Variants in SLC14A2 observed in about 807,000 individuals in gnomAD.
SLC14A2 encodes solute carrier family 14 member 2.
In SLC14A2, 91 loss-of-function variants were observed where a neutral mutation model predicts 104.6. The ratio of observed to expected loss-of-function variants is 0.87; its 90% confidence interval spans 0.73 to 1.04. The LOEUF (loss-of-function observed/expected upper bound fraction) is 1.04. SLC14A2 is among the 50% of genes least tolerant of loss of function. SLC14A2 has a pLI of 0.00. For missense variants in SLC14A2, 1,189 were observed against 1,156.0 expected (o/e 1.03, Z -0.41); for synonymous variants, 476 against 466.4 (o/e 1.02, Z -0.27).
At chr18:45,265,462 G>A (rs1343618428) in intron 1 of SLC14A2, among the ~76,000 whole-genome samples, 1 of 152,112 alleles carries the variant, frequency 6.6e-6, no homozygotes, top group Non-Finnish European at 1.5e-5. Flanking sequence ...TTTGAAATAT[G>A]ATTTTATCTG....
At chr18:45,569,753 T>TG (rs1392776537) in intron 2 of SLC14A2, among the ~76,000 whole-genome samples, 3 of 152,170 alleles carry the variant, frequency 2.0e-5, no homozygotes, top group African/African-American at 7.2e-5. Flanking sequence ...TCCACACCGA[T>TG]AACCACTCCA....
At chr18:45,183,168 T>A in the SLC14A2 span, among the ~76,000 whole-genome samples, 11 of 152,136 alleles carry the variant, frequency 7.2e-5, no homozygotes, top group Non-Finnish European at 1.5e-4. Flanking sequence ...TGAACCAGAT[T>A]GAGAGGTCGT....
chr18:45,677,714 G>T (rs921722780), intron 18 of SLC14A2, among the ~76,000 whole-genome samples: 2 of 152,148 alleles, frequency 1.3e-5, no homozygotes, highest in Non-Finnish European at 2.9e-5. Flanking sequence ...GCTCCTATTC[G>T]CTCTCAGAGA....
At chr18:45,397,073 G>T (rs941244821) in intron 1 of SLC14A2, among the ~76,000 whole-genome samples, 1 of 152,242 alleles carries the variant, frequency 6.6e-6, no homozygotes, top group Non-Finnish European at 1.5e-5. Context: ...TCATTGACGG[G>T]CATTTAGGTT....
At chr18:45,568,023 C>T (rs1489797298) in intron 2 of SLC14A2, among the ~76,000 whole-genome samples, 1 of 152,186 alleles carries the variant, frequency 6.6e-6, no homozygotes, top group Non-Finnish European at 1.5e-5. Context: ...ATCAAACCAA[C>T]ATGGGTGTTC....
intron 2 of SLC14A2, among the ~76,000 whole-genome samples, chr18:45,544,680 A>C (rs1225355422): frequency 1.3e-4 from 20 of 151,816 alleles, no homozygotes; most frequent in Admixed American, 1.3e-3. Context: ...GTATCCATAA[A>C]TAGCTTTTAT....
In SLC14A2 at chr18:45,615,757, G is replaced by T. The variant is rs541079412; in HGVS notation, c.-35+175G>T. ...ATAACACTAAAATTAACTACCTAGA[G>T]CCACCTCGGGGCAGCTTGTGTATAT... is the stretch of plus-strand genomic sequence containing the variant. On this transcript the variant is annotated intron_variant, in intron 1 of 19. Transcript: ENST00000255226. 7.5e-4 allele frequency among the ~76,000 whole-genome samples: 114 copies of T among 152,120 alleles called. 1 individual carries two copies. Among genetic ancestry groups the T allele is most frequent in the Admixed American group, 4.8e-3 (73 of 15,290 alleles).
At chr18:45,428,443 G>A (rs1035535595) in intron 1 of SLC14A2, among the ~76,000 whole-genome samples, 2 of 152,278 alleles carry the variant, frequency 1.3e-5, no homozygotes, top group Admixed American at 6.5e-5. Context: ...AAAAAACACT[G>A]TGCACAATAT....
chr18:45,508,128 C>T (rs930661072), intron 2 of SLC14A2, among the ~76,000 whole-genome samples: 19 of 151,760 alleles, frequency 1.3e-4, no homozygotes, highest in African/African-American at 2.7e-4. Context: ...AATTGTTCTG[C>T]GTAGATCTCA....
chr18:45,416,481 A>G (rs753232010), intron 1 of SLC14A2, among the ~76,000 whole-genome samples: 1 of 152,194 alleles, frequency 6.6e-6, no homozygotes, highest in Non-Finnish European at 1.5e-5. Context: ...CACCAGTCAG[A>G]GTTAATCATC....
chr18:45,284,042 A>T lies in SLC14A2; in HGVS notation c.-125+70851A>T, dbSNP rs545622467. Among the ~76,000 whole-genome samples the T allele has an allele frequency of 2.0e-5, 3 of 152,354 alleles. No individual in the cohort carries two copies. In the East Asian group the frequency reaches 5.8e-4, roughly 29 times the overall value. On this transcript the variant is annotated intron_variant, in intron 1 of 20. Coordinates refer to the SLC14A2 transcript ENST00000586448. ...TATTTTGGATATACTGGATGAAATA[A>T]AATGTATTATTAAAATTTATTGCAT... is the stretch of plus-strand genomic sequence containing the variant.
chr18:45,331,093 T>C (rs1171364498), intron 1 of SLC14A2, among the ~76,000 whole-genome samples: 1 of 152,222 alleles, frequency 6.6e-6, no homozygotes, highest in Non-Finnish European at 1.5e-5. Flanking sequence ...GATAAAATAA[T>C]TGGAGACATA....
At chr18:45,664,059 T>G in intron 11 of SLC14A2, 152 bp downstream of exon 11, 4 of 743,964 alleles carry the variant, frequency 5.4e-6, no homozygotes, top group Non-Finnish European at 4.1e-6. Context: ...AAGGCCACAG[T>G]TCCCCGAATG....
chr18:45,607,719 T>C (rs2144435499), intron 2 of SLC14A2, among the ~76,000 whole-genome samples: 1 of 152,314 alleles, frequency 6.6e-6, no homozygotes, highest in East Asian at 1.9e-4. Context: ...GGAGCGTAAC[T>C]GGGTTTTTCT....
chr18:45,419,302 C>G (rs1022010741), intron 1 of SLC14A2, among the ~76,000 whole-genome samples: 3 of 152,114 alleles, frequency 2.0e-5, no homozygotes, highest in African/African-American at 4.8e-5. Context: ...CTCACAGGCC[C>G]CTTTTATTCT....
the SLC14A2 span, among the ~76,000 whole-genome samples, chr18:45,182,411 AAAT>A: frequency 1.3e-5 from 2 of 151,934 alleles, no homozygotes; most frequent in African/African-American, 2.4e-5. Context: ...TAAAAGGAAA[AAAT>A]AACTGAAAAA....
At chr18:45,392,204 G>A (rs544752881) in intron 1 of SLC14A2, among the ~76,000 whole-genome samples, 17 of 152,310 alleles carry the variant, frequency 1.1e-4, no homozygotes, top group African/African-American at 4.1e-4. Flanking sequence ...CAAGGCCACT[G>A]TGGCCCCCCA....
chr18:45,284,001 C>T (rs1179921460), intron 1 of SLC14A2, among the ~76,000 whole-genome samples: 1 of 152,100 alleles, frequency 6.6e-6, no homozygotes, highest in Admixed American at 6.5e-5. Flanking sequence ...ATATTGATTA[C>T]ACATTCAAAT....
intron 1 of SLC14A2, among the ~76,000 whole-genome samples, chr18:45,437,130 C>T (rs1215967380): frequency 6.6e-6 from 1 of 152,214 alleles, no homozygotes; most frequent in African/African-American, 2.4e-5. Flanking sequence ...GTGCGCATCC[C>T]TCTGCTTTGC....
Sources: allele counts gnomAD v4.1 joint callset (sites outside exome capture counted in the v4.1 genomes callset), GRCh38; gene constraint gnomAD v4.1.1; transcripts MANE v1.5; gene names NCBI Gene and HGNC (gene_info 2026-07-23, HGNC 2026-07-21).